NAV3: variants seen among roughly 807,000 people sequenced by gnomAD.
NAV3 encodes the protein neuron navigator 3, also known as pore membrane and/or filament interacting like protein 1.
In NAV3, 87 loss-of-function variants were observed where a neutral mutation model predicts 244.7. That is an observed-to-expected ratio of 0.36 (90% CI 0.30 to 0.42). NAV3 has a LOEUF of 0.42. Ranked by LOEUF, NAV3 falls within the 20% of genes least tolerant of loss-of-function variation. The pLI, the probability that NAV3 is intolerant of heterozygous loss-of-function variation, is 1.00. For synonymous variants in NAV3, 1,126 were observed against 1,042.2 expected, an observed-to-expected ratio of 1.08 and a Z score of -1.55; for missense variants, 2,663 against 2,893.3, an observed-to-expected ratio of 0.92 and a Z score of 1.83.
chr12:78,133,471 AT>A lies in NAV3; in HGVS notation c.4442-3704del, dbSNP rs544150608. Among the ~76,000 whole-genome samples the A allele has an allele frequency of 3.8e-4, 57 of 151,608 alleles. No homozygotes were observed. The East Asian group carries it at 9.1e-3, about 24-fold the overall frequency. On this transcript the variant is annotated intron_variant, in intron 18 of 39. Transcript: ENST00000397909. ...AGCATCACCCATTTTTGATTTGACC[AT>A]TATCTTTTCTGAATAATCAGTAAGA... is the stretch of plus-strand genomic sequence containing the variant.
In NAV3 at chr12:77,696,015, G is replaced by T. The variant is rs185474134; in HGVS notation, c.72+123749G>T. ...TGTCCATCCTTATCTTTAGAGGTAGGAATAACACTACATCAGTCCAAGAAG... is the reference window on the plus strand; with the variant it reads ...TGTCCATCCTTATCTTTAGAGGTAGTAATAACACTACATCAGTCCAAGAAG... On this transcript the variant is annotated intron_variant, in intron 2 of 8. Coordinates refer to the NAV3 transcript ENST00000550042. Among the ~76,000 whole-genome samples, 7 of 152,144 alleles carry T rather than the reference G, an allele frequency of 4.6e-5. No individual in the cohort carries two copies. In the East Asian group the frequency reaches 1.4e-3, roughly 29 times the overall value.
chr12:77,851,589 T>G (rs1176884776), intron 1 of NAV3, among the ~76,000 whole-genome samples: 1 of 152,196 alleles, frequency 6.6e-6, no homozygotes, highest in Non-Finnish European at 1.5e-5. Context: ...TCTGTCTTCT[T>G]GTAATAATGA....
chr12:77,958,943 T>C (rs1891619546), intron 3 of NAV3, among the ~76,000 whole-genome samples: 1 of 152,180 alleles, frequency 6.6e-6, no homozygotes, highest in African/African-American at 2.4e-5. Flanking sequence ...TGGTGTCCGT[T>C]GAAATCATAA....
intron 1 of NAV3, among the ~76,000 whole-genome samples, chr12:77,881,677 C>T (rs1333306309): frequency 6.6e-6 from 1 of 151,948 alleles, no homozygotes; most frequent in East Asian, 1.9e-4. Flanking sequence ...CCTAGAAAAC[C>T]CTAAGACTCT....
intron 2 of NAV3, among the ~76,000 whole-genome samples, chr12:77,737,769 C>T (rs922599078): frequency 6.6e-6 from 1 of 152,176 alleles, no homozygotes; most frequent in Non-Finnish European, 1.5e-5. Context: ...GGTCTACCTT[C>T]CACCATGTAA....
rs140685199 is a variant in NAV3, at chr12:78,086,276, T to C, written c.2636+27161T>C. On this transcript the variant is annotated intron_variant, in intron 12 of 39. Coordinates refer to ENST00000397909, the MANE Select transcript of NAV3 (RefSeq NM_001024383.2). ...TTGTTTACATTTGTTTTAATAGGAGTCTCTTCTTCAAGTATATGTTTTCTA... is the reference window on the plus strand; with the variant it reads ...TTGTTTACATTTGTTTTAATAGGAGCCTCTTCTTCAAGTATATGTTTTCTA... 3.9e-3 allele frequency among the ~76,000 whole-genome samples: 599 copies of C among 152,068 alleles called. 3 individuals are homozygous for C. The highest frequency in any genetic ancestry group is 0.014 in the African/African-American group (574 of 41,516).
intron 1 of NAV3, among the ~76,000 whole-genome samples, chr12:77,920,524 T>C (rs921385483): frequency 1.3e-5 from 2 of 152,036 alleles, no homozygotes; most frequent in Non-Finnish European, 1.5e-5. Flanking sequence ...AAACCCTTCA[T>C]GACAATTTTC....
At chr12:78,095,504 G>A (rs913615674) in intron 12 of NAV3, among the ~76,000 whole-genome samples, 8 of 152,180 alleles carry the variant, frequency 5.3e-5, no homozygotes, top group African/African-American at 1.7e-4. Flanking sequence ...CTTAGGCAAA[G>A]ATCAGACTTT....
At chr12:77,798,202 C>A (rs59516403) in intron 2 of NAV3, among the ~76,000 whole-genome samples, 4,519 of 151,214 alleles carry the variant, frequency 0.03, 185 homozygotes, top group African/African-American at 0.09. Context: ...ACAACAACAA[C>A]AAAAAAACCC....
chr12:78,176,579 T>C, intron 26 of NAV3, 120 bp downstream of exon 26: 1 of 902,630 alleles, frequency 1.1e-6, no homozygotes, highest in South Asian at 1.6e-5. Context: ...CTTGTATGTC[T>C]TTTCTTTGTG....
intron 9 of NAV3, chr12:78,037,089 G>A (rs1351858742): frequency 5.7e-6 from 4 of 702,910 alleles, no homozygotes; most frequent in South Asian, 1.5e-5. Flanking sequence ...CTCGCGGTCT[G>A]TGCAGTCCCT....
rs562650680 is a variant in NAV3, at chr12:78,108,966, G to T, written c.2637-7806G>T. ...AAACACAATAATAAAGATCAGAAAA[G>T]AACTAAATCAAATAGAGACTAAAAA... On this transcript the variant is annotated intron_variant, in intron 12 of 39. Coordinates refer to ENST00000397909, the MANE Select transcript of NAV3 (RefSeq NM_001024383.2). Among the ~76,000 whole-genome samples, 5 of 151,708 alleles carry T rather than the reference G, an allele frequency of 3.3e-5. 1 individual carries two copies. In the Middle Eastern group the frequency reaches 0.01, roughly 312 times the overall value.
intron 1 of NAV3, among the ~76,000 whole-genome samples, chr12:77,885,842 A>G (rs1883222014): frequency 6.6e-6 from 1 of 152,142 alleles, no homozygotes; most frequent in South Asian, 2.1e-4. Flanking sequence ...CTTCAGTTCT[A>G]CCATTCTTCT....
chr12:77,912,990 C>T (rs1886763960), intron 1 of NAV3, among the ~76,000 whole-genome samples: 1 of 151,980 alleles, frequency 6.6e-6, no homozygotes, highest in Non-Finnish European at 1.5e-5. Context: ...CTTTTATCTT[C>T]AGTTATTTCA....
At chr12:77,952,666 A>G (rs1891011745) in intron 3 of NAV3, among the ~76,000 whole-genome samples, 1 of 152,082 alleles carries the variant, frequency 6.6e-6, no homozygotes, top group African/African-American at 2.4e-5. Flanking sequence ...TTTGATTGAG[A>G]TTGCTCTTTC....
intron 1 of NAV3, among the ~76,000 whole-genome samples, chr12:77,928,101 T>C (rs757779210): frequency 7.3e-5 from 11 of 151,304 alleles, no homozygotes; most frequent in Non-Finnish European, 1.3e-4. Flanking sequence ...TGTGCGCCTG[T>C]AATCCCAGCT....
intron 2 of NAV3, among the ~76,000 whole-genome samples, chr12:77,607,161 A>G (rs533066485): frequency 3.3e-4 from 50 of 152,208 alleles, no homozygotes; most frequent in Admixed American, 4.6e-4. Flanking sequence ...AAATACTCTC[A>G]CACATTTATG....
At chr12:77,731,539 C>A (rs1877127686) in intron 2 of NAV3, among the ~76,000 whole-genome samples, 1 of 151,872 alleles carries the variant, frequency 6.6e-6, no homozygotes, top group Non-Finnish European at 1.5e-5. Flanking sequence ...AAATTCTAGC[C>A]AGGGTATAAA....
chr12:77,655,033 A>G (rs1381753773), intron 2 of NAV3, among the ~76,000 whole-genome samples: 1 of 152,080 alleles, frequency 6.6e-6, no homozygotes, highest in Non-Finnish European at 1.5e-5. Flanking sequence ...AAAACTGGAA[A>G]CTCTAAAAAG....
Sources: gnomAD v4.1 joint callset for allele counts (sites outside exome capture counted in the v4.1 genomes callset) on GRCh38, gnomAD v4.1.1 for gene constraint, MANE v1.5 for transcripts, NCBI Gene and HGNC (gene_info 2026-07-23, HGNC 2026-07-21) for gene names.